OSBPL6: variants seen among roughly 807,000 people sequenced by gnomAD.
OSBPL6 encodes oxysterol binding protein like 6, also known as oxysterol-binding protein-related protein 6.
OSBPL6 carries 49 observed loss-of-function variants against 125.8 expected under a neutral mutation model. That is an observed-to-expected ratio of 0.39 (90% confidence interval 0.31 to 0.49). The LOEUF (loss-of-function observed/expected upper bound fraction) is 0.49. Ranked by LOEUF, OSBPL6 falls within the 20% of genes least tolerant of loss-of-function variation. The pLI is 0.88. For missense variants in OSBPL6, 986 were observed against 1,135.4 expected, an observed-to-expected ratio of 0.87 and a Z score of 1.89; for synonymous variants, 394 against 391.8, an observed-to-expected ratio of 1.01 and a Z score of -0.07.
intron 1 of OSBPL6, among the ~76,000 whole-genome samples, chr2:178,207,979 A>T (rs1034493095): frequency 5.9e-5 from 9 of 152,150 alleles, no homozygotes; most frequent in African/African-American, 2.2e-4. Flanking sequence ...CAATTAGCAA[A>T]GTTTTATTAG....
At chr2:178,360,993 G>C (rs1036534878) in intron 12 of OSBPL6, among the ~76,000 whole-genome samples, 2 of 152,192 alleles carry the variant, frequency 1.3e-5, no homozygotes, top group African/African-American at 4.8e-5. Context: ...CCTTTCTGTA[G>C]TTCACGATTG....
At chr2:178,313,218 T>A (rs532250333) in intron 3 of OSBPL6, among the ~76,000 whole-genome samples, 1 of 152,362 alleles carries the variant, frequency 6.6e-6, no homozygotes, top group South Asian at 2.1e-4. Context: ...TTTTAGAGAA[T>A]TTTAACAAAA....
At chr2:178,349,481 A>G in intron 12 of OSBPL6, 92 bp downstream of exon 12, 1 of 1,438,644 alleles carries the variant, frequency 7.0e-7, no homozygotes, top group Middle Eastern at 1.8e-4. Flanking sequence ...TGTGGTAATG[A>G]TAGAAAGATT....
chr2:178,284,474 A>G (rs1325634854), intron 1 of OSBPL6, among the ~76,000 whole-genome samples: 1 of 152,066 alleles, frequency 6.6e-6, no homozygotes, highest in Non-Finnish European at 1.5e-5. Flanking sequence ...AATCACTTGA[A>G]CCCAGGAGGC....
At position 178,224,500 on chromosome 2, in the gene OSBPL6, GTCT is replaced by G. The variant is rs1289523188; in HGVS notation, c.-351+29832_-351+29834del. ...GACTCCTTTTTAAGGAAATAACATT[GTCT>G]TCTTCCTATACTCTCCATTGCAGCC... is the stretch of plus-strand genomic sequence containing the variant. On this transcript the variant is annotated intron_variant, in intron 1 of 24. Coordinates refer to ENST00000190611, the MANE Select transcript of OSBPL6 (RefSeq NM_032523.4). Among the ~76,000 whole-genome samples the G allele has an allele frequency of 3.3e-5, 5 of 152,202 alleles. No homozygotes were observed. In the South Asian group the frequency reaches 8.3e-4, roughly 25 times the overall value.
chr2:178,243,524 TC>T (rs1559154373), intron 1 of OSBPL6, among the ~76,000 whole-genome samples: 1 of 151,762 alleles, frequency 6.6e-6, no homozygotes, highest in Non-Finnish European at 1.5e-5. Flanking sequence ...TTCACTGCAC[TC>T]CCCCCGACCC....
intron 23 of OSBPL6, among the ~76,000 whole-genome samples, chr2:178,393,964 T>C (rs1695629677): frequency 6.6e-6 from 1 of 152,234 alleles, no homozygotes; most frequent in South Asian, 2.1e-4. Flanking sequence ...GGCTATGACT[T>C]CACGCTCTTC....
intron 1 of OSBPL6, among the ~76,000 whole-genome samples, chr2:178,209,840 C>G (rs1483558022): frequency 1.3e-5 from 2 of 151,292 alleles, no homozygotes; most frequent in Non-Finnish European, 2.9e-5. Context: ...TGCCTGAAGG[C>G]TACAGGTCTG....
rs552109596 is a variant in OSBPL6, at chr2:178,309,711, T to TG, written c.102+3426dup. Reference sequence around the variant, plus strand: ...GCATTTCACTAAATCTGATATGAGCTGTTAGAACATCTAGCAAAACTGGCT... The same window carrying TG: ...GCATTTCACTAAATCTGATATGAGCTGGTTAGAACATCTAGCAAAACTGGCT... On this transcript the variant is annotated intron_variant, in intron 3 of 24. Coordinates refer to ENST00000190611, the MANE Select transcript of OSBPL6 (RefSeq NM_032523.4). Among the ~76,000 whole-genome samples, 14 of 152,358 alleles carry TG rather than the reference T, an allele frequency of 9.2e-5. No homozygotes were observed. The South Asian group carries it at 2.9e-3, about 32-fold the overall frequency.
intron 2 of OSBPL6, among the ~76,000 whole-genome samples, chr2:178,290,344 T>C (rs1021214559): frequency 5.9e-5 from 9 of 152,110 alleles, no homozygotes; most frequent in African/African-American, 2.2e-4. Flanking sequence ...AGCGAGAAAC[T>C]TCCCTTTTTT....
rs1453476542 is a variant in OSBPL6 at position 178,306,279 on chromosome 2, G to A, written c.95G>A (p.Ser32Asn). 4.4e-6 allele frequency: 7 copies of A among 1,605,380 alleles called. No individual in the cohort carries two copies. In the East Asian group the frequency reaches 1.6e-4, roughly 36 times the overall value. Residue 32 changes from serine (S) to asparagine (N), a missense_variant, in exon 3 of 25, where the codon AGT becomes AAT. Coordinates refer to ENST00000190611, the MANE Select transcript of OSBPL6 (RefSeq NM_032523.4). ...TCTTCAACATCCTCCCAAAGGGACAGTAGGCAGGTAAGAGAAGAGCATTAA... is the reference window on the plus strand; with the variant it reads ...TCTTCAACATCCTCCCAAAGGGACAATAGGCAGGTAAGAGAAGAGCATTAA... ...ASSSTSSQRD[S>N]RQSIHILERT...
intron 2 of OSBPL6, among the ~76,000 whole-genome samples, chr2:178,290,140 C>A (rs1040403830): frequency 1.3e-5 from 2 of 152,118 alleles, no homozygotes; most frequent in Non-Finnish European, 2.9e-5. Context: ...TGACCCCCAC[C>A]CCATCCTATT....
chr2:178,275,481 C>CA (rs943590773), intron 1 of OSBPL6, among the ~76,000 whole-genome samples: 1 of 152,096 alleles, frequency 6.6e-6, no homozygotes, highest in African/African-American at 2.4e-5. Context: ...CACTGTACTC[C>CA]AGCCTGAGAG....
intron 14 of OSBPL6, among the ~76,000 whole-genome samples, chr2:178,372,693 A>G (rs1423357833): frequency 8.2e-5 from 9 of 109,108 alleles, no homozygotes; most frequent in Admixed American, 7.8e-4. Context: ...GTGCTGCTAC[A>G]GCTACTACTG....
At chr2:178,312,689 C>G (rs1687396195) in intron 3 of OSBPL6, among the ~76,000 whole-genome samples, 1 of 152,008 alleles carries the variant, frequency 6.6e-6, no homozygotes, top group South Asian at 2.1e-4. Flanking sequence ...CTCCTGACCT[C>G]AAGTGATCCA....
chr2:178,290,269 C>T (rs1044246845), intron 2 of OSBPL6, among the ~76,000 whole-genome samples: 1 of 152,056 alleles, frequency 6.6e-6, no homozygotes, highest in Admixed American at 6.6e-5. Context: ...TTAATATTTC[C>T]CTAGTAATTG....
intron 2 of OSBPL6, among the ~76,000 whole-genome samples, chr2:178,305,645 A>G (rs911475389): frequency 6.6e-6 from 1 of 152,250 alleles, no homozygotes; most frequent in African/African-American, 2.4e-5. Flanking sequence ...ACATAGCTAA[A>G]CTAAACTGAA....
At chr2:178,233,315 A>G (rs1346739772) in intron 1 of OSBPL6, among the ~76,000 whole-genome samples, 3 of 152,196 alleles carry the variant, frequency 2.0e-5, no homozygotes, top group African/African-American at 4.8e-5. Flanking sequence ...CCAACTTCCA[A>G]TGCTGAATAT....
At chr2:178,315,804 A>C (rs1042800807) in intron 3 of OSBPL6, among the ~76,000 whole-genome samples, 3 of 152,212 alleles carry the variant, frequency 2.0e-5, no homozygotes, top group African/African-American at 7.2e-5. Flanking sequence ...GCCCTTGAAA[A>C]GGCCTGAGAA....
Sources: allele counts gnomAD v4.1 joint callset (sites outside exome capture counted in the v4.1 genomes callset), GRCh38; gene constraint gnomAD v4.1.1; transcripts MANE v1.5; gene names NCBI Gene and HGNC (gene_info 2026-07-23, HGNC 2026-07-21).